The following TENM3 variants were observed in gnomAD, a reference collection of about 807,000 sequenced individuals.
The protein encoded by TENM3 is teneurin-3.
In TENM3, 63 loss-of-function variants were observed where a neutral mutation model predicts 255.1. The ratio of observed to expected loss-of-function variants is 0.25; its 90% CI spans 0.20 to 0.30. TENM3 has a LOEUF of 0.30. TENM3 is among the 10% of genes least tolerant of loss of function. TENM3 has a pLI of 1.00. For missense variants in TENM3, 2,929 were observed against 3,461.1 expected, an observed-to-expected ratio of 0.85 and a Z score of 3.86; for synonymous variants, 1,306 against 1,322.3, an observed-to-expected ratio of 0.99 and a Z score of 0.27.
chr4:181,749,839 C>CAAATAGTCCT, the TENM3 span, among the ~76,000 whole-genome samples: 263 of 152,250 alleles, frequency 1.7e-3, no homozygotes, highest in African/African-American at 6.2e-3. Flanking sequence ...ATGTGCGAAT[C>CAAATAGTCCT]AAATAGTCCT....
the TENM3 span, among the ~76,000 whole-genome samples, chr4:181,506,175 C>G: frequency 6.6e-6 from 1 of 152,074 alleles, no homozygotes; most frequent in Non-Finnish European, 1.5e-5. Flanking sequence ...AAATTACTGA[C>G]TGTATCAATA....
chr4:181,586,046 G>A, the TENM3 span, among the ~76,000 whole-genome samples: 1 of 152,132 alleles, frequency 6.6e-6, no homozygotes, highest in Non-Finnish European at 1.5e-5. Context: ...TTCAGAGGTA[G>A]AACTTACCAA....
At chr4:182,671,031 A>G (rs1755161680) in intron 6 of TENM3, among the ~76,000 whole-genome samples, 1 of 152,114 alleles carries the variant, frequency 6.6e-6, no homozygotes, top group South Asian at 2.1e-4. Flanking sequence ...TATAAAGACC[A>G]TATTCTTTAA....
At chr4:182,599,571 T>C (rs58599737) in intron 3 of TENM3, among the ~76,000 whole-genome samples, 17,384 of 152,236 alleles carry the variant, frequency 0.11, 1,160 homozygotes, top group African/African-American at 0.15. Context: ...ACTGATGTTA[T>C]ATGCTATGAG....
chr4:182,369,901 GAA>G (rs992079173), intron 3 of TENM3, among the ~76,000 whole-genome samples: 1 of 151,796 alleles, frequency 6.6e-6, no homozygotes, highest in South Asian at 2.1e-4. Context: ...AGGAAAGAAA[GAA>G]AAGTTTCATA....
At chr4:182,628,968 G>T in intron 5 of TENM3, 79 bp downstream of exon 5, 1 of 850,908 alleles carries the variant, frequency 1.2e-6, no homozygotes, top group Non-Finnish European at 1.8e-6. Context: ...TATTCATTTG[G>T]TCTAGAAATA....
chr4:182,305,465 A>G (rs1362346940), intron 1 of TENM3, among the ~76,000 whole-genome samples: 1 of 152,206 alleles, frequency 6.6e-6, no homozygotes, highest in Admixed American at 6.5e-5. Flanking sequence ...GAACAAGAAA[A>G]CTAGGTGTAG....
chr4:182,754,781 A>G lies in TENM3; in HGVS notation c.4414A>G (p.Ser1472Gly), dbSNP rs1762611735. The change falls in exon 22 of 28, where the codon AGT (serine) becomes GGT (glycine). Residue 1472 changes from serine to glycine, a missense_variant. Physicochemically the swap from Ser to Gly is moderately conservative, Grantham distance 56 (BLOSUM62 0). Transcript: ENST00000511685. This position sits in a 1 kb window ranked among gnomAD's most constrained non-coding sequence, Gnocchi z 5.1. ...GDGYAKDAKL[S>G]APSSLAASPD... ...TGGCTACGCCAAGGATGCCAAACTC[A>G]GTGCCCCATCCTCCCTGGCTGCTTC... is the stretch of plus-strand genomic sequence containing the variant. The G allele has an allele frequency of 6.2e-7, 1 of 1,614,078 alleles. No homozygotes were observed. The highest frequency in any genetic ancestry group is 1.3e-5 in the African/African-American group (1 of 75,076).
At chr4:181,828,749 C>G in the TENM3 span, among the ~76,000 whole-genome samples, 1 of 152,002 alleles carries the variant, frequency 6.6e-6, no homozygotes, top group Non-Finnish European at 1.5e-5. Flanking sequence ...CCACCACACC[C>G]GGCTAATTTT....
At chr4:182,137,343 C>A in the TENM3 span, among the ~76,000 whole-genome samples, 15 of 144,678 alleles carry the variant, frequency 1.0e-4, no homozygotes, top group African/African-American at 2.7e-4. Context: ...TCCCCCCCCC[C>A]AAAAAGGAAT....
intron 3 of TENM3, among the ~76,000 whole-genome samples, chr4:182,389,608 G>A (rs1563582): frequency 0.99 from 150,165 of 152,058 alleles, 74,165 homozygotes; most frequent in East Asian, 1. Flanking sequence ...GCACCATATC[G>A]TAGAGAAGGC....
the TENM3 span, among the ~76,000 whole-genome samples, chr4:181,718,940 C>T: frequency 1.3e-5 from 2 of 152,154 alleles, no homozygotes; most frequent in African/African-American, 4.8e-5. Context: ...GGCGCGGCGG[C>T]TCACGCCTGT....
At chr4:182,741,731 A>G (rs1193134475) in intron 18 of TENM3, among the ~76,000 whole-genome samples, 1 of 152,160 alleles carries the variant, frequency 6.6e-6, no homozygotes, top group Non-Finnish European at 1.5e-5. Flanking sequence ...TATTTAGCTT[A>G]TTTTTCTTAA....
chr4:182,019,471 A>G, the TENM3 span, among the ~76,000 whole-genome samples: 5 of 152,164 alleles, frequency 3.3e-5, no homozygotes, highest in South Asian at 2.1e-4. Flanking sequence ...TTTAATGCCA[A>G]TCCCCTCAAT....
chr4:181,838,195 T>C, the TENM3 span, among the ~76,000 whole-genome samples: 1 of 151,994 alleles, frequency 6.6e-6, no homozygotes, highest in African/African-American at 2.4e-5. Context: ...CTTAGAAGCC[T>C]CTAGCAGATT....
At chr4:182,452,045 T>C (rs115904217) in intron 3 of TENM3, among the ~76,000 whole-genome samples, 1,544 of 152,328 alleles carry the variant, frequency 0.01, 20 homozygotes, top group African/African-American at 0.035. Context: ...TAATATGATA[T>C]ATTAATGCTT....
At chr4:181,541,467 G>A in the TENM3 span, among the ~76,000 whole-genome samples, 1 of 152,052 alleles carries the variant, frequency 6.6e-6, no homozygotes, top group African/African-American at 2.4e-5. Flanking sequence ...AGTCGTTCTT[G>A]AGTTTCTGTT....
chr4:181,478,275 A>G, the TENM3 span, among the ~76,000 whole-genome samples: 6 of 152,252 alleles, frequency 3.9e-5, no homozygotes, highest in Admixed American at 3.9e-4. Flanking sequence ...ACGGTATTAT[A>G]ATAACCTTAC....
the TENM3 span, among the ~76,000 whole-genome samples, chr4:181,750,938 G>C: frequency 6.6e-6 from 1 of 152,098 alleles, no homozygotes; most frequent in South Asian, 2.1e-4. Context: ...TTTCATACCA[G>C]CATGCCCTTG....
Sources: allele counts gnomAD v4.1 joint callset (sites outside exome capture counted in the v4.1 genomes callset), GRCh38; gene constraint gnomAD v4.1.1; non-coding constraint Gnocchi (gnomAD v3.1); transcripts MANE v1.5; gene names NCBI Gene and HGNC (gene_info 2026-07-23, HGNC 2026-07-21).